Variants in FAM227B observed in about 807,000 individuals in gnomAD.
FAM227B encodes the protein protein FAM227B.
FAM227B carries 88 observed loss-of-function variants against 73.8 expected under a neutral mutation model. That is an observed-to-expected ratio of 1.19 (90% CI 1.00 to 1.42). FAM227B has a LOEUF of 1.42. Ranked by LOEUF, FAM227B falls within the 40% of genes most tolerant of loss-of-function variation. FAM227B has a pLI of 0.00. For synonymous variants in FAM227B, 210 were observed against 190.5 expected, an observed-to-expected ratio of 1.10 and a Z score of -0.84; for missense variants, 632 against 590.9, an observed-to-expected ratio of 1.07 and a Z score of -0.72.
At chr15:49,552,047 C>T (rs1186189609) in intron 9 of FAM227B, among the ~76,000 whole-genome samples, 1 of 152,062 alleles carries the variant, frequency 6.6e-6, no homozygotes, top group Non-Finnish European at 1.5e-5. Flanking sequence ...TTTTAATATT[C>T]TGTGTTTTTT....
intron 11 of FAM227B, among the ~76,000 whole-genome samples, chr15:49,403,509 G>A (rs954675684): frequency 5.9e-5 from 9 of 152,082 alleles, no homozygotes; most frequent in Non-Finnish European, 1.0e-4. Context: ...ATGTGTCCAG[G>A]AATTTATCCA....
At chr15:49,536,501 C>A (rs2070290003) in intron 10 of FAM227B, among the ~76,000 whole-genome samples, 1 of 151,810 alleles carries the variant, frequency 6.6e-6, no homozygotes, top group Non-Finnish European at 1.5e-5. Flanking sequence ...AACCTATATA[C>A]AATGTCAACA....
At chr15:49,365,386 C>T (rs1000516076) in intron 13 of FAM227B, 29 of 1,208,232 alleles carry the variant, frequency 2.4e-5, no homozygotes, top group African/African-American at 6.0e-5. Context: ...AGTATATATA[C>T]GAAGAACCAG....
intron 10 of FAM227B, among the ~76,000 whole-genome samples, chr15:49,526,554 A>T (rs1404496824): frequency 1.3e-5 from 2 of 152,120 alleles, no homozygotes; most frequent in East Asian, 3.8e-4. Flanking sequence ...ATAAGAGCAG[A>T]AGTGAATGTA....
intron 11 of FAM227B, among the ~76,000 whole-genome samples, chr15:49,481,604 C>A (rs111949817): frequency 6.6e-6 from 1 of 152,090 alleles, no homozygotes; most frequent in Admixed American, 6.6e-5. Flanking sequence ...CTGTGTTCTT[C>A]AAAATTCTGC....
chr15:49,439,792 C>T (rs1050118068), intron 11 of FAM227B, among the ~76,000 whole-genome samples: 3 of 151,628 alleles, frequency 2.0e-5, no homozygotes, highest in Non-Finnish European at 4.4e-5. Context: ...GAGAAAGAAA[C>T]TGGATGATTT....
intron 13 of FAM227B, among the ~76,000 whole-genome samples, chr15:49,361,709 G>A (rs1051735827): frequency 2.6e-5 from 4 of 152,006 alleles, no homozygotes; most frequent in East Asian, 3.9e-4. Flanking sequence ...ATGAGCATAC[G>A]CGTGAATGTA....
intron 3 of FAM227B, among the ~76,000 whole-genome samples, chr15:49,609,091 G>A (rs1055050824): frequency 2.6e-5 from 4 of 151,818 alleles, no homozygotes; most frequent in Admixed American, 6.6e-5. Flanking sequence ...GGTAGTGAAC[G>A]GAAGTAACTA....
At chr15:49,433,053 A>G (rs1326887024) in intron 11 of FAM227B, among the ~76,000 whole-genome samples, 2 of 151,504 alleles carry the variant, frequency 1.3e-5, no homozygotes, top group East Asian at 1.9e-4. Flanking sequence ...AATTATTTCA[A>G]TAAAGAAATG....
At chr15:49,416,236 C>T (rs914361561) in intron 11 of FAM227B, among the ~76,000 whole-genome samples, 1 of 147,178 alleles carries the variant, frequency 6.8e-6, no homozygotes, top group Non-Finnish European at 1.5e-5. Context: ...AGAATATTCA[C>T]CATTGTATCT....
intron 9 of FAM227B, among the ~76,000 whole-genome samples, chr15:49,556,146 C>T (rs2073651385): frequency 6.6e-6 from 1 of 152,178 alleles, no homozygotes; most frequent in African/African-American, 2.4e-5. Flanking sequence ...GGTAAGCAGT[C>T]TATCTTTTTG....
chr15:49,360,636 A>C (rs922717675), intron 13 of FAM227B, among the ~76,000 whole-genome samples: 1 of 152,178 alleles, frequency 6.6e-6, no homozygotes, highest in East Asian at 1.9e-4. Flanking sequence ...TGCAGTTTAA[A>C]GATATACCAT....
chr15:49,582,608 A>G (rs1234509989), intron 5 of FAM227B, among the ~76,000 whole-genome samples: 1 of 152,150 alleles, frequency 6.6e-6, no homozygotes, highest in Non-Finnish European at 1.5e-5. Context: ...CAGGACCTAA[A>G]CCCAGCACTG....
chr15:49,335,355 C>A, intron 14 of FAM227B, 64 bp downstream of exon 14: 2 of 1,067,792 alleles, frequency 1.9e-6, no homozygotes, highest in South Asian at 1.3e-5. Context: ...GATGATTTCT[C>A]TGATTGTTTC....
At chr15:49,371,645 TATAAATAAATGAAATAAAATTCACTA>T (rs1231096714) in intron 11 of FAM227B, among the ~76,000 whole-genome samples, 1,660 of 150,584 alleles carry the variant, frequency 0.011, 20 homozygotes, top group Middle Eastern at 0.021. Flanking sequence ...AAAATTCACT[TATAAATAAATGAAATAAAATTCACTA>T]ATAAATAAAT....
chr15:49,422,591 G>C (rs755517421), intron 11 of FAM227B: 182 of 1,239,654 alleles, frequency 1.5e-4, no homozygotes, highest in Non-Finnish European at 1.9e-4. Context: ...AGAGGCATTA[G>C]ACCAATACAC....
chr15:49,415,706 G>GTTT (rs2049167898), intron 11 of FAM227B, among the ~76,000 whole-genome samples: 1 of 152,086 alleles, frequency 6.6e-6, no homozygotes, highest in South Asian at 2.1e-4. Flanking sequence ...CAAGAGTCAA[G>GTTT]TAACTTTTGT....
chr15:49,571,414 C>G lies in FAM227B; in HGVS notation c.646-3068G>C, dbSNP rs966752195. On this transcript the variant is annotated intron_variant, in intron 8 of 15. Transcript: ENST00000299338. Reference sequence around the variant, plus strand: ...TTGCCTGTACATTTGGCTTCATACTCAAAAAATCACCGTACAAACCAACGT... The same window carrying G: ...TTGCCTGTACATTTGGCTTCATACTGAAAAAATCACCGTACAAACCAACGT... Among the ~76,000 whole-genome samples, 3 of 151,838 alleles carry G rather than the reference C, an allele frequency of 2.0e-5. No individual in the cohort carries two copies. The East Asian group carries it at 5.8e-4, about 29-fold the overall frequency.
intron 3 of FAM227B, among the ~76,000 whole-genome samples, chr15:49,591,369 C>T (rs1021050977): frequency 8.0e-6 from 1 of 125,190 alleles, no homozygotes; most frequent in Non-Finnish European, 1.7e-5. Flanking sequence ...CACACCCTCC[C>T]TCCCTCCCTC....
Sources: gnomAD v4.1 joint callset for allele counts (sites outside exome capture counted in the v4.1 genomes callset) on GRCh38, gnomAD v4.1.1 for gene constraint, MANE v1.5 for transcripts, NCBI Gene and HGNC (gene_info 2026-07-23, HGNC 2026-07-21) for gene names.